Variants in LRMDA observed in about 807,000 individuals in gnomAD.
The protein encoded by LRMDA is leucine rich melanocyte differentiation associated.
Under a neutral mutation model 29.8 loss-of-function variants are expected in LRMDA, and 18 were observed. That is an observed-to-expected ratio of 0.60 (90% CI 0.42 to 0.90). The LOEUF is 0.90. Among genes scored for constraint, LRMDA ranks in the 40% least tolerant of loss-of-function variants. The probability of loss-of-function intolerance (pLI) is 0.00; values close to 1 mark genes in which losing one functional copy is unlikely to be tolerated. For missense variants in LRMDA, 273 were observed against 273.9 expected, an observed-to-expected ratio of 1.00 and a Z score of 0.02; for synonymous variants, 125 against 109.4, an observed-to-expected ratio of 1.14 and a Z score of -0.89.
chr10:76,187,119 C>T (rs901823867), intron 5 of LRMDA, among the ~76,000 whole-genome samples: 11 of 152,010 alleles, frequency 7.2e-5, no homozygotes, highest in South Asian at 2.1e-4. Context: ...CCAGGAAGGC[C>T]GTCAAGAAAG....
chr10:76,379,543 T>C (rs1373060038), intron 6 of LRMDA, among the ~76,000 whole-genome samples: 1 of 152,152 alleles, frequency 6.6e-6, no homozygotes, highest in Non-Finnish European at 1.5e-5. Context: ...GCTTTTGTAT[T>C]TCTGTGGTTT....
chr10:75,775,791 TCA>T (rs1434991470), intron 2 of LRMDA, among the ~76,000 whole-genome samples: 3 of 152,206 alleles, frequency 2.0e-5, no homozygotes, highest in Non-Finnish European at 4.4e-5. Context: ...GGCTGTCTTT[TCA>T]CAGTCTTACT....
chr10:75,517,719 C>A (rs1188044420), intron 2 of LRMDA, among the ~76,000 whole-genome samples: 1 of 152,170 alleles, frequency 6.6e-6, no homozygotes, highest in African/African-American at 2.4e-5. Context: ...TAGCCCTGGG[C>A]AGAACTTCTA....
intron 6 of LRMDA, among the ~76,000 whole-genome samples, chr10:76,397,816 A>G (rs915362333): frequency 3.3e-5 from 5 of 151,852 alleles, no homozygotes; most frequent in African/African-American, 1.2e-4. Flanking sequence ...GAAATGCCTG[A>G]AGACTCACAA....
chr10:75,502,322 A>T (rs967914697), intron 2 of LRMDA, among the ~76,000 whole-genome samples: 6 of 152,178 alleles, frequency 3.9e-5, no homozygotes, highest in African/African-American at 1.4e-4. Context: ...ACTGTTGTTC[A>T]TGATCTATTT....
At chr10:75,504,570 G>T (rs1265140299) in intron 2 of LRMDA, among the ~76,000 whole-genome samples, 1 of 152,184 alleles carries the variant, frequency 6.6e-6, no homozygotes, top group Non-Finnish European at 1.5e-5. Context: ...AATAACGTCT[G>T]TAGTAATAGG....
At chr10:75,597,394 T>G (rs1254477747) in intron 2 of LRMDA, among the ~76,000 whole-genome samples, 1 of 152,168 alleles carries the variant, frequency 6.6e-6, no homozygotes, top group Non-Finnish European at 1.5e-5. Flanking sequence ...CCCTGCCCAC[T>G]CCACCCAGTC....
At chr10:75,814,368 T>A (rs906929590) in intron 2 of LRMDA, among the ~76,000 whole-genome samples, 4 of 152,246 alleles carry the variant, frequency 2.6e-5, no homozygotes, top group African/African-American at 9.6e-5. Flanking sequence ...GTACTTATGC[T>A]GTCTGAATGT....
At chr10:75,496,923 A>T (rs1164724359) in intron 2 of LRMDA, among the ~76,000 whole-genome samples, 2 of 151,722 alleles carry the variant, frequency 1.3e-5, no homozygotes, top group African/African-American at 4.8e-5. Flanking sequence ...TGTATATATG[A>T]CCTGTGGACC....
At chr10:76,108,945 A>G (rs1243539439) in intron 5 of LRMDA, among the ~76,000 whole-genome samples, 2 of 152,214 alleles carry the variant, frequency 1.3e-5, no homozygotes. Context: ...AGCTGAACTC[A>G]TTGTAGATAC....
chr10:75,636,639 G>C (rs1841393309), intron 2 of LRMDA, among the ~76,000 whole-genome samples: 1 of 151,780 alleles, frequency 6.6e-6, no homozygotes, highest in African/African-American at 2.4e-5. Context: ...TTTCTAAATT[G>C]ATATAGAGTG....
At chr10:75,734,983 C>G (rs1400318346) in intron 2 of LRMDA, among the ~76,000 whole-genome samples, 1 of 152,192 alleles carries the variant, frequency 6.6e-6, no homozygotes, top group Non-Finnish European at 1.5e-5. Flanking sequence ...TGCCGCTACC[C>G]CTTTTAGCAT....
At chr10:76,145,326 T>G (rs552213596) in intron 5 of LRMDA, among the ~76,000 whole-genome samples, 56 of 152,128 alleles carry the variant, frequency 3.7e-4, no homozygotes, top group Non-Finnish European at 7.6e-4. Context: ...GTCCTGGACT[T>G]TTTTTGGTTG....
At chr10:76,334,626 G>A (rs1840944995) in intron 6 of LRMDA, among the ~76,000 whole-genome samples, 1 of 152,122 alleles carries the variant, frequency 6.6e-6, no homozygotes, top group Admixed American at 6.5e-5. Context: ...TTTTTGGTTG[G>A]GGCTGGTCTG....
chr10:75,453,607 G>A (rs569652123), intron 2 of LRMDA, among the ~76,000 whole-genome samples: 1 of 152,072 alleles, frequency 6.6e-6, no homozygotes. Flanking sequence ...GAGGTGCTTT[G>A]TTCCTCAAAA....
intron 2 of LRMDA, among the ~76,000 whole-genome samples, chr10:75,699,568 G>A (rs922321442): frequency 2.6e-5 from 4 of 152,160 alleles, no homozygotes; most frequent in Non-Finnish European, 5.9e-5. Context: ...TGACATCAAG[G>A]AATGTGGAAA....
intron 5 of LRMDA, among the ~76,000 whole-genome samples, chr10:76,247,058 C>A (rs1045940376): frequency 6.6e-6 from 1 of 152,140 alleles, no homozygotes. Context: ...TTCACTCATT[C>A]CAGTGACGAT....
chr10:75,510,274 A>G (rs1845211707), intron 2 of LRMDA, among the ~76,000 whole-genome samples: 1 of 152,174 alleles, frequency 6.6e-6, no homozygotes, highest in South Asian at 2.1e-4. Context: ...TTAAGCCCAA[A>G]TGTAAGGAAA....
chr10:75,980,801 T>C (rs1847154952), intron 2 of LRMDA, among the ~76,000 whole-genome samples: 1 of 152,234 alleles, frequency 6.6e-6, no homozygotes, highest in Admixed American at 6.5e-5. Flanking sequence ...TTTCCAACAT[T>C]TCTCATTTTC....
Sources: allele counts gnomAD v4.1 joint callset (sites outside exome capture counted in the v4.1 genomes callset), GRCh38; gene constraint gnomAD v4.1.1; transcripts MANE v1.5; gene names NCBI Gene and HGNC (gene_info 2026-07-23, HGNC 2026-07-21).